Variants in METTL15 observed in about 807,000 individuals in gnomAD.
METTL15 encodes the protein methyltransferase 15, mitochondrial 12S rRNA N4-cytidine, also known as 12S rRNA N(4)-cytidine methyltransferase METTL15.
Under a neutral mutation model 38.3 loss-of-function variants are expected in METTL15, and 34 were observed. That is an observed-to-expected ratio of 0.89 (90% CI 0.68 to 1.18). The LOEUF is 1.18. Among genes scored for constraint, METTL15 ranks in the 50% most tolerant of loss-of-function variants. METTL15 has a pLI of 0.00. For missense variants in METTL15, 438 were observed against 498.4 expected, an observed-to-expected ratio of 0.88 and a Z score of 1.15; for synonymous variants, 162 against 170.9, an observed-to-expected ratio of 0.95 and a Z score of 0.41.
intron 6 of METTL15, among the ~76,000 whole-genome samples, chr11:28,523,373 T>C (rs1213469881): frequency 6.6e-6 from 1 of 152,252 alleles, no homozygotes; most frequent in Non-Finnish European, 1.5e-5. Context: ...TATTCTGTAT[T>C]CTTTTTGCTT....
intron 3 of METTL15, among the ~76,000 whole-genome samples, chr11:28,338,897 G>A (rs967684405): frequency 2.0e-5 from 3 of 152,036 alleles, no homozygotes; most frequent in African/African-American, 7.2e-5. Flanking sequence ...AAGCATCAGA[G>A]AGCTAATAAG....
At chr11:28,282,521 A>T (rs190970033) in intron 4 of METTL15, among the ~76,000 whole-genome samples, 1 of 152,204 alleles carries the variant, frequency 6.6e-6, no homozygotes, top group South Asian at 2.1e-4. Flanking sequence ...TCCTTGCATA[A>T]TGTCTATCAA....
At chr11:28,114,151 A>C (rs1357681736) in intron 3 of METTL15, among the ~76,000 whole-genome samples, 1 of 152,134 alleles carries the variant, frequency 6.6e-6, no homozygotes, top group Non-Finnish European at 1.5e-5. Flanking sequence ...TCCTTCCCCC[A>C]GCCCCTGACA....
intron 6 of METTL15, among the ~76,000 whole-genome samples, chr11:28,438,784 C>T (rs1422062155): frequency 6.7e-6 from 1 of 149,892 alleles, no homozygotes; most frequent in African/African-American, 2.5e-5. Flanking sequence ...AAACAATTCT[C>T]CTGCCTCAGC....
chr11:28,374,482 A>G (rs1260348474), intron 5 of METTL15, among the ~76,000 whole-genome samples: 1 of 144,414 alleles, frequency 6.9e-6, no homozygotes, highest in African/African-American at 2.5e-5. Context: ...TTGTTGGTGT[A>G]TAGGAATGCT....
intron 5 of METTL15, among the ~76,000 whole-genome samples, chr11:28,374,760 G>A (rs576778821): frequency 2.0e-5 from 3 of 151,338 alleles, no homozygotes; most frequent in South Asian, 4.2e-4. Flanking sequence ...CAAAGGGAAT[G>A]CTTCCAGTTT....
intron 5 of METTL15, among the ~76,000 whole-genome samples, chr11:28,423,842 TA>T (rs111308425): frequency 0.038 from 5,785 of 152,106 alleles, 368 homozygotes; most frequent in African/African-American, 0.13. Context: ...CATTTTAATA[TA>T]ACTAAAAGTA....
intron 6 of METTL15, among the ~76,000 whole-genome samples, chr11:28,436,705 A>T (rs1022908094): frequency 6.6e-6 from 1 of 152,190 alleles, no homozygotes; most frequent in Non-Finnish European, 1.5e-5. Flanking sequence ...CACATATGCC[A>T]TGTGCTCACT....
At chr11:28,265,295 C>T (rs935386742) in intron 4 of METTL15, among the ~76,000 whole-genome samples, 2 of 151,552 alleles carry the variant, frequency 1.3e-5, no homozygotes, top group African/African-American at 4.8e-5. Context: ...TTCACAAGGT[C>T]TCAGCTACTC....
In METTL15 at chr11:28,126,125, T is replaced by TA. The variant is rs1434813934; in HGVS notation, c.270+12522dup. 1.1e-4 allele frequency among the ~76,000 whole-genome samples: 17 copies of TA among 152,128 alleles called. 1 individual carries two copies. The highest frequency in any genetic ancestry group is 2.9e-5 in the Non-Finnish European group (2 of 68,010). On this transcript the variant is annotated intron_variant, in intron 3 of 6. Coordinates refer to ENST00000407364, the MANE Select transcript of METTL15 (RefSeq NM_001113528.2). ...AGGTAGCACATTAAATCAGAAAACC[T>TA]AGAGTACACATCCCACAGATATACA...
At chr11:28,430,353 C>T (rs1307739132) in intron 6 of METTL15, among the ~76,000 whole-genome samples, 27 of 13,662 alleles carry the variant, frequency 2.0e-3, no homozygotes, top group East Asian at 3.8e-3. Flanking sequence ...CCCGGCCAGC[C>T]GTGCCATCCG....
chr11:28,253,993 T>C (rs1233699801), intron 4 of METTL15, among the ~76,000 whole-genome samples: 3 of 152,184 alleles, frequency 2.0e-5, no homozygotes, highest in African/African-American at 7.2e-5. Context: ...TTTGGGTATA[T>C]ACCCAGCAGT....
intron 3 of METTL15, among the ~76,000 whole-genome samples, chr11:28,191,393 A>T (rs1851695654): frequency 6.6e-6 from 1 of 151,372 alleles, no homozygotes; most frequent in African/African-American, 2.4e-5. Flanking sequence ...AAAATCCCAA[A>T]ATAGAAGTTG....
intron 3 of METTL15, among the ~76,000 whole-genome samples, chr11:28,185,177 A>G (rs1360263922): frequency 6.6e-6 from 1 of 151,566 alleles, no homozygotes; most frequent in Non-Finnish European, 1.5e-5. Context: ...TCTTTTCTAT[A>G]TTTGTTTAAT....
chr11:28,380,179 T>TG (rs1350891980), intron 5 of METTL15, among the ~76,000 whole-genome samples: 3 of 149,540 alleles, frequency 2.0e-5, no homozygotes, highest in African/African-American at 7.4e-5. Flanking sequence ...TTTTTTTTTT[T>TG]TTTTTTGAGA....
At chr11:28,429,463 C>G (rs1850894474) in intron 6 of METTL15, among the ~76,000 whole-genome samples, 1 of 136,502 alleles carries the variant, frequency 7.3e-6, no homozygotes, top group Non-Finnish European at 1.6e-5. Flanking sequence ...ACTGCAACCT[C>G]CCTGCCTGAT....
At chr11:28,466,647 G>C (rs1564939354) in intron 6 of METTL15, among the ~76,000 whole-genome samples, 1 of 152,084 alleles carries the variant, frequency 6.6e-6, no homozygotes, top group Non-Finnish European at 1.5e-5. Flanking sequence ...CGGCTCCCTC[G>C]GTACATCACG....
chr11:28,213,167 C>T (rs991689783), intron 4 of METTL15, among the ~76,000 whole-genome samples: 32 of 151,878 alleles, frequency 2.1e-4, no homozygotes, highest in Non-Finnish European at 4.3e-4. Context: ...ACTTCACTGA[C>T]AAAATGATTT....
intron 6 of METTL15, among the ~76,000 whole-genome samples, chr11:28,309,905 T>C (rs1857215545): frequency 2.0e-5 from 3 of 152,170 alleles, no homozygotes; most frequent in Admixed American, 2.0e-4. Context: ...CCATTACCAT[T>C]GTTCATCTGT....
Sources: gnomAD v4.1 joint callset for allele counts (sites outside exome capture counted in the v4.1 genomes callset) on GRCh38, gnomAD v4.1.1 for gene constraint, MANE v1.5 for transcripts, NCBI Gene and HGNC (gene_info 2026-07-23, HGNC 2026-07-21) for gene names.